Variants in TBC1D12 observed in about 807,000 individuals in gnomAD.
TBC1D12 encodes the protein TBC1 domain family member 12, also known as TBC1 domain family, member 12.
In TBC1D12, 56 loss-of-function variants were observed where a neutral mutation model predicts 86.7. That is an observed-to-expected ratio of 0.65 (90% CI 0.52 to 0.81). TBC1D12 has a LOEUF of 0.81. Among genes scored for constraint, TBC1D12 ranks in the 30% least tolerant of loss-of-function variants. The pLI is 0.00. For synonymous variants in TBC1D12, 421 were observed against 411.7 expected (o/e 1.02, Z -0.27); for missense variants, 1,023 against 1,038.8 (o/e 0.98, Z 0.21).
At chr10:94,474,052 A>G (rs564212503) in intron 2 of TBC1D12, among the ~76,000 whole-genome samples, 16 of 152,270 alleles carry the variant, frequency 1.1e-4, no homozygotes, top group African/African-American at 3.4e-4. Context: ...CTATCATTTC[A>G]TTAGAGGTTG....
intron 2 of TBC1D12, among the ~76,000 whole-genome samples, chr10:94,454,383 C>T (rs2055595308): frequency 6.6e-6 from 1 of 151,974 alleles, no homozygotes. Flanking sequence ...GGCTAATTTT[C>T]TATTTTTAGT....
At position 94,413,068 on chromosome 10, in the gene TBC1D12, G is replaced by A. The variant is rs572185880; in HGVS notation, c.971+9484G>A. Among the ~76,000 whole-genome samples the A allele has an allele frequency of 3.3e-5, 5 of 152,268 alleles. No individual in the cohort carries two copies. The South Asian group carries it at 8.3e-4, about 25-fold the overall frequency. On this transcript the variant is annotated intron_variant, in intron 1 of 12. Coordinates refer to ENST00000225235, the MANE Select transcript of TBC1D12 (RefSeq NM_015188.2). ...CTGGTTAATAGGCAGGTCTCCTCAGGTAGTGACTGAAAGTACAACACACCT... is the reference window on the plus strand; with the variant it reads ...CTGGTTAATAGGCAGGTCTCCTCAGATAGTGACTGAAAGTACAACACACCT...
chr10:94,513,154 G>C (rs1314744565), intron 9 of TBC1D12, among the ~76,000 whole-genome samples: 1 of 152,058 alleles, frequency 6.6e-6, no homozygotes, highest in Non-Finnish European at 1.5e-5. Flanking sequence ...GGCTGAGGCA[G>C]GAGAATCGCT....
intron 7 of TBC1D12, among the ~76,000 whole-genome samples, chr10:94,508,015 T>G (rs1395119068): frequency 6.6e-6 from 1 of 152,154 alleles, no homozygotes; most frequent in Non-Finnish European, 1.5e-5. Context: ...AATTGCACTT[T>G]AGTAGAAATT....
At chr10:94,458,891 T>A (rs1255340318) in intron 2 of TBC1D12, among the ~76,000 whole-genome samples, 1 of 152,146 alleles carries the variant, frequency 6.6e-6, no homozygotes, top group Non-Finnish European at 1.5e-5. Flanking sequence ...GTGTTACAGC[T>A]CATAAAGGCA....
intron 3 of TBC1D12, among the ~76,000 whole-genome samples, chr10:94,484,297 A>T: frequency 6.8e-6 from 1 of 147,344 alleles, no homozygotes; most frequent in Non-Finnish European, 1.5e-5. Context: ...CTCAGGCTGG[A>T]ATGCAGTGGC....
chr10:94,404,816 G>A (rs1382989579), intron 1 of TBC1D12, among the ~76,000 whole-genome samples: 1 of 151,856 alleles, frequency 6.6e-6, no homozygotes. Flanking sequence ...GGGAGGCCGA[G>A]GTGGGTGGAT....
Position 94,500,090 on chromosome 10 carries a change from A to G in TBC1D12, c.1413-131A>G, listed in dbSNP as rs931575956. 57 of 751,484 alleles carry G rather than the reference A, an allele frequency of 7.6e-5. No individual in the cohort carries two copies. In the East Asian group the frequency reaches 1.6e-3, roughly 21 times the overall value. The allele number at this position is 751,484 out of a possible 1,614,324, so 46.6% of individuals were successfully genotyped here. ...ATGAACGCAAAGAAAAGAATGCATT[A>G]CATACTTAATTCTCTATAGTCCTAA... On this transcript the variant is annotated intron_variant, in intron 5 of 12. Coordinates refer to ENST00000225235, the MANE Select transcript of TBC1D12 (RefSeq NM_015188.2).
At chr10:94,515,073 A>G (rs1411538243) in intron 9 of TBC1D12, among the ~76,000 whole-genome samples, 3 of 147,270 alleles carry the variant, frequency 2.0e-5, no homozygotes, top group African/African-American at 5.0e-5. Context: ...ACGCCCGGCT[A>G]ATTTTTTGTA....
intron 1 of TBC1D12, 43 bp from the exon 2 acceptor site, chr10:94,441,853 T>C (rs775948290): frequency 6.3e-7 from 1 of 1,592,474 alleles, no homozygotes; most frequent in Non-Finnish European, 8.5e-7. Context: ...AATAGCTCTC[T>C]GGTTACAAAA....
At position 94,533,085 on chromosome 10, in the gene TBC1D12, T is replaced by C; in HGVS notation, c.2317T>C (p.Leu773=). Residue 773 remains leucine (L), a synonymous_variant, in exon 13 of 13, where the codon TTG becomes CTG. Transcript: ENST00000225235. The part of the protein sequence containing the change: ...KEGDKNSSPA[L]KS ...AGGAGACAAGAACAGTAGTCCTGCT[T>C]TGAAAAGCTAGTCTTCAAAATTGAC... 6.3e-7 allele frequency: 1 copy of C among 1,591,966 alleles called. No individual in the cohort carries two copies. The highest frequency in any genetic ancestry group is 8.6e-7 in the Non-Finnish European group (1 of 1,169,488).
chr10:94,447,074 A>C (rs1246162644), intron 2 of TBC1D12, among the ~76,000 whole-genome samples: 2 of 151,742 alleles, frequency 1.3e-5, no homozygotes, highest in Admixed American at 6.6e-5. Context: ...AAAAAAAAAA[A>C]AACCTTTTTT....
intron 9 of TBC1D12, among the ~76,000 whole-genome samples, chr10:94,520,820 C>T (rs998537016): frequency 5.3e-5 from 8 of 151,916 alleles, no homozygotes; most frequent in African/African-American, 1.2e-4. Context: ...CCACCACGCC[C>T]GGTTAATTTT....
chr10:94,413,738 G>GT (rs1257522328), intron 1 of TBC1D12, among the ~76,000 whole-genome samples: 142 of 144,190 alleles, frequency 9.8e-4, no homozygotes, highest in African/African-American at 1.9e-3. Flanking sequence ...GGCTTTTCAG[G>GT]TTTTTTTTTT....
chr10:94,435,148 C>T (rs955071116), intron 1 of TBC1D12, among the ~76,000 whole-genome samples: 2 of 152,140 alleles, frequency 1.3e-5, no homozygotes, highest in African/African-American at 4.8e-5. Context: ...CTCTTTTGAA[C>T]AGTGTTGTCC....
At chr10:94,531,759 T>TTTATTTTATTTTG (rs1842429747) in intron 12 of TBC1D12, among the ~76,000 whole-genome samples, 1 of 66,560 alleles carries the variant, frequency 1.5e-5, no homozygotes. Flanking sequence ...GTTATTTTAT[T>TTTATTTTATTTTG]TTATTTTATT....
Position 94,402,662 on chromosome 10 carries a change from T to G in TBC1D12, c.49T>G (p.Leu17Val). 6.2e-7 allele frequency: 1 copy of G among 1,610,718 alleles called. No individual in the cohort carries two copies. Among genetic ancestry groups the G allele is most frequent in the African/African-American group, 1.3e-5 (1 of 74,968 alleles). The change falls in exon 1 of 13, where the codon TTG (leucine) becomes GTG (valine). Residue 17 changes from leucine to valine, a missense_variant. Coordinates refer to ENST00000225235, the MANE Select transcript of TBC1D12 (RefSeq NM_015188.2). ...AGACSGRNPK[L>V]LPVPAPDPVG... ...AGCCTGCTCGGGAAGAAACCCCAAG[T>G]TGCTCCCGGTGCCTGCGCCGGACCC...
chr10:94,513,849 G>A (rs538368597), intron 9 of TBC1D12, among the ~76,000 whole-genome samples: 3 of 152,236 alleles, frequency 2.0e-5, no homozygotes, highest in Admixed American at 2.0e-4. Flanking sequence ...GTGACCTACT[G>A]TGCCTGGCTG....
chr10:94,422,185 G>GTTTTT (rs57798611), intron 1 of TBC1D12, among the ~76,000 whole-genome samples: 11 of 106,810 alleles, frequency 1.0e-4, no homozygotes, highest in African/African-American at 2.5e-4. Context: ...GGTTCATGTA[G>GTTTTT]TTTTTTTTTT....
Sources: allele counts gnomAD v4.1 joint callset (sites outside exome capture counted in the v4.1 genomes callset), GRCh38; gene constraint gnomAD v4.1.1; transcripts MANE v1.5; gene names NCBI Gene and HGNC (gene_info 2026-07-23, HGNC 2026-07-21).